USH2A: variants seen among roughly 807,000 people sequenced by gnomAD.
USH2A encodes the protein Usher syndrome 2A (autosomal recessive, mild).
In USH2A, 443 loss-of-function variants were observed where a neutral mutation model predicts 538.9. The observed-to-expected ratio is 0.82, with a 90% CI of 0.76 to 0.89. USH2A has a LOEUF of 0.89. Ranked by LOEUF, USH2A falls within the 40% of genes least tolerant of loss-of-function variation. The pLI, the probability that USH2A is intolerant of heterozygous loss-of-function variation, is 0.00. For synonymous variants in USH2A, 2,413 were observed against 2,273.5 expected (o/e 1.06, Z -1.75); for missense variants, 6,633 against 6,324.8 (o/e 1.05, Z -1.65).
intron 21 of USH2A, among the ~76,000 whole-genome samples, chr1:216,153,462 G>A (rs1437399365): frequency 6.6e-6 from 1 of 152,174 alleles, no homozygotes; most frequent in African/African-American, 2.4e-5. Context: ...GCAACAGGGT[G>A]TCAGGGAATT....
chr1:216,207,457 A>G (rs772879437), intron 15 of USH2A, 26 bp from the exon 16 acceptor site: 1 of 1,613,818 alleles, frequency 6.2e-7, no homozygotes, highest in Non-Finnish European at 8.5e-7. Flanking sequence ...GAGAGCATTT[A>G]TTAGCAAAGC....
intron 36 of USH2A, among the ~76,000 whole-genome samples, chr1:215,966,306 A>G (rs895358868): frequency 6.6e-6 from 1 of 152,176 alleles, no homozygotes; most frequent in African/African-American, 2.4e-5. Flanking sequence ...GAAATTTTTA[A>G]TATCTTTTAA....
chr1:216,418,386 T>C, intron 3 of USH2A, 128 bp downstream of exon 3: 1 of 1,044,192 alleles, frequency 9.6e-7, no homozygotes, highest in Non-Finnish European at 1.4e-6. Context: ...TCTTTAGTTG[T>C]CATTTATACA....
At chr1:215,743,017 G>A (rs907410212) in intron 59 of USH2A, among the ~76,000 whole-genome samples, 160 bp downstream of exon 59, 7 of 151,948 alleles carry the variant, frequency 4.6e-5, no homozygotes, top group African/African-American at 7.3e-5. Context: ...TGCTTTACTC[G>A]ATGCCAGACT....
intron 10 of USH2A, among the ~76,000 whole-genome samples, chr1:216,290,737 G>A (rs757552549): frequency 3.9e-5 from 6 of 152,190 alleles, no homozygotes; most frequent in East Asian, 1.9e-4. Flanking sequence ...CTTAGAAACC[G>A]AGTGAACATA....
intron 34 of USH2A, among the ~76,000 whole-genome samples, chr1:215,995,763 T>C (rs912071714): frequency 5.3e-5 from 8 of 152,152 alleles, no homozygotes; most frequent in Non-Finnish European, 1.5e-5. Flanking sequence ...TTTTGAAAAA[T>C]TCATAAAGGC....
At chr1:216,135,606 A>G (rs546386461) in intron 21 of USH2A, among the ~76,000 whole-genome samples, 1 of 152,266 alleles carries the variant, frequency 6.6e-6, no homozygotes, top group East Asian at 1.9e-4. Context: ...GTTATACTGT[A>G]CAATTAGGAA....
At chr1:215,833,906 C>T (rs1434490763) in intron 47 of USH2A, among the ~76,000 whole-genome samples, 1 of 151,828 alleles carries the variant, frequency 6.6e-6, no homozygotes, top group African/African-American at 2.4e-5. Flanking sequence ...ATACCATTTC[C>T]CAGAGTAAAC....
In USH2A at chr1:215,813,836, C is replaced by T. The variant is rs191115495; in HGVS notation, c.9639G>A (p.Pro3213=). 32 of 1,613,864 alleles carry T rather than the reference C, an allele frequency of 2.0e-5. No individual in the cohort carries two copies. In the African/African-American group the frequency reaches 3.1e-4, roughly 15 times the overall value. ...GHRCCEEKYI[P]FVLNSTGVCC... is the part of the protein sequence containing the mutation. The stretch of plus-strand genomic sequence containing the variant: ...AAACTCCAGTAGAATTCAGAACAAA[C>T]GGGATATACTTTTCTTCACAACAGC... Residue 3213 remains proline (P), a synonymous_variant, in exon 49 of 72, where the codon CCG becomes CCA. Coordinates refer to ENST00000307340, the MANE Select transcript of USH2A (RefSeq NM_206933.4).
At chr1:215,753,591 C>T (rs948009176) in intron 58 of USH2A, among the ~76,000 whole-genome samples, 13 of 151,796 alleles carry the variant, frequency 8.6e-5, no homozygotes, top group Non-Finnish European at 1.5e-4. Flanking sequence ...TGTTCTCACT[C>T]ATAGGTGGGA....
chr1:216,308,652 G>A (rs1030009767), intron 9 of USH2A, among the ~76,000 whole-genome samples: 1 of 152,100 alleles, frequency 6.6e-6, no homozygotes, highest in Admixed American at 6.6e-5. Flanking sequence ...AATAAGAGAT[G>A]TATTAAATTC....
At chr1:216,402,059 A>T (rs1290777836) in intron 3 of USH2A, among the ~76,000 whole-genome samples, 1 of 152,146 alleles carries the variant, frequency 6.6e-6, no homozygotes, top group Non-Finnish European at 1.5e-5. Flanking sequence ...TTATATGTGT[A>T]TGCATCTGTG....
intron 64 of USH2A, among the ~76,000 whole-genome samples, chr1:215,658,289 G>T (rs1211445216): frequency 6.6e-6 from 1 of 151,544 alleles, no homozygotes; most frequent in Non-Finnish European, 1.5e-5. Context: ...TCCCTAAGAG[G>T]AAACAGGAAC....
intron 9 of USH2A, among the ~76,000 whole-genome samples, chr1:216,313,139 A>G (rs563072389): frequency 6.6e-6 from 1 of 152,194 alleles, no homozygotes; most frequent in Admixed American, 6.5e-5. Context: ...CACAACCTAA[A>G]TCCCTCACAT....
At chr1:215,939,655 C>T (rs942108057) in intron 37 of USH2A, among the ~76,000 whole-genome samples, 2 of 152,018 alleles carry the variant, frequency 1.3e-5, no homozygotes, top group African/African-American at 2.4e-5. Flanking sequence ...ATTGCTGTCT[C>T]GAGAATACCA....
At chr1:215,835,074 T>C (rs1009999038) in intron 47 of USH2A, among the ~76,000 whole-genome samples, 79 of 150,794 alleles carry the variant, frequency 5.2e-4, no homozygotes, top group African/African-American at 1.8e-3. Flanking sequence ...GAGGCTATAA[T>C]TTTTTTTCCT....
rs1330173139 is a variant in USH2A at position 215,799,223 on chromosome 1, G to A, written c.9740-98C>T. ...CACAATCATCTTGCAGATCCCAACTGATTGACAGAATTACTAAAGAGAATA... is the reference window on the plus strand; with the variant it reads ...CACAATCATCTTGCAGATCCCAACTAATTGACAGAATTACTAAAGAGAATA... On this transcript the variant is annotated intron_variant, in intron 49 of 71. Transcript: ENST00000307340. 12 of 1,318,840 alleles carry A rather than the reference G, an allele frequency of 9.1e-6. No homozygotes were observed. In the South Asian group the frequency reaches 1.3e-4, roughly 14 times the overall value. 81.7% of individuals were successfully genotyped at this position (1,318,840 alleles called of 1,614,324 possible).
chr1:216,349,628 T>A (rs116562921), intron 4 of USH2A, among the ~76,000 whole-genome samples: 2,287 of 152,162 alleles, frequency 0.015, 56 homozygotes, highest in African/African-American at 0.052. Flanking sequence ...CATGTCAACA[T>A]CAGGAAGTTA....
intron 38 of USH2A, among the ~76,000 whole-genome samples, chr1:215,905,386 T>TATC (rs1665613511): frequency 6.6e-6 from 1 of 152,092 alleles, no homozygotes; most frequent in East Asian, 1.9e-4. Flanking sequence ...TAATATTTTG[T>TATC]ATCAAATTCA....
Sources: allele counts gnomAD v4.1 joint callset (sites outside exome capture counted in the v4.1 genomes callset), GRCh38; gene constraint gnomAD v4.1.1; transcripts MANE v1.5; gene names NCBI Gene and HGNC (gene_info 2026-07-23, HGNC 2026-07-21).